Variants in BRF2 observed in about 807,000 individuals in gnomAD.
BRF2 encodes the protein BRF2 general transcription factor IIIB subunit, also known as transcription factor IIIB 50 kDa subunit.
A neutral mutation model predicts 26.6 loss-of-function variants in BRF2; 17 were observed. The observed-to-expected ratio is 0.64, with a 90% CI of 0.44 to 0.96. The LOEUF (loss-of-function observed/expected upper bound fraction) is 0.96. BRF2 is among the 40% of genes least tolerant of loss of function. The probability of loss-of-function intolerance (pLI) is 0.00; values close to 1 mark genes in which losing one functional copy is unlikely to be tolerated. For missense variants in BRF2, 515 were observed against 537.0 expected, an observed-to-expected ratio of 0.96 and a Z score of 0.40; for synonymous variants, 219 against 226.6, an observed-to-expected ratio of 0.97 and a Z score of 0.30.
intron 3 of BRF2, 152 bp from the exon 4 acceptor site, chr8:37,845,365 A>T: frequency 2.9e-6 from 2 of 683,698 alleles, no homozygotes; most frequent in South Asian, 1.8e-5. Context: ...TAGTGAGAGA[A>T]AACAGGGCGT....
In BRF2 at chr8:37,844,710, T is replaced by G. The variant is rs1172576749; in HGVS notation, c.1040A>C (p.Gln347Pro). The stretch of plus-strand genomic sequence containing the variant: ...GGCAGGACTGGCCGGCCGCTTCCCC[T>G]GGGGTAAACCTAAGGAATTATTTCC... Reference protein sequence around the residue: ...EVGNNSLGLPQGKRPASPALL... With the variant: ...EVGNNSLGLPPGKRPASPALL... Residue 347 changes from glutamine (Q) to proline (P), a missense_variant, in exon 4 of 4, where the codon CAG becomes CCG. Coordinates refer to ENST00000220659, the MANE Select transcript of BRF2 (RefSeq NM_018310.4). 1 of 1,614,004 alleles carries G rather than the reference T, an allele frequency of 6.2e-7. No individual in the cohort carries two copies. Among genetic ancestry groups the G allele is most frequent in the African/African-American group, 1.3e-5 (1 of 74,918 alleles).
In BRF2 at chr8:37,844,641, C is replaced by A. The variant is rs765024570; in HGVS notation, c.1109G>T (p.Cys370Phe). 19 of 1,614,124 alleles carry A rather than the reference C, an allele frequency of 1.2e-5. No individual in the cohort carries two copies. Among genetic ancestry groups the A allele is most frequent in the Non-Finnish European group, 1.6e-5 (19 of 1,180,030 alleles). ...PCMLKSPKRI[C>F]PVPPVSTVTG... is the part of the protein sequence containing the mutation. ...GACAGTGGAGACAGGGGGTACAGGG[C>A]AGATCCGCTTCGGGGACTTCAACAT... The change falls in exon 4 of 4, where the codon TGC becomes TTC. Residue 370 changes from cysteine to phenylalanine, a missense_variant. Physicochemically the swap from Cys to Phe is radical, Grantham distance 205. Coordinates refer to ENST00000220659, the MANE Select transcript of BRF2 (RefSeq NM_018310.4).
In BRF2 at chr8:37,844,636, C is replaced by T. The variant is rs1281734627; in HGVS notation, c.1114G>A (p.Val372Ile). 2 of 1,614,084 alleles carry T rather than the reference C, an allele frequency of 1.2e-6. No homozygotes were observed. The highest frequency in any genetic ancestry group is 1.1e-5 in the South Asian group (1 of 91,078). Reference sequence around the variant, plus strand: ...CCAGTGACAGTGGAGACAGGGGGTACAGGGCAGATCCGCTTCGGGGACTTC... The same window carrying T: ...CCAGTGACAGTGGAGACAGGGGGTATAGGGCAGATCCGCTTCGGGGACTTC... ...MLKSPKRICP[V>I]PPVSTVTGDE... The change falls in exon 4 of 4, where the codon GTA becomes ATA. Residue 372 changes from valine (V) to isoleucine (I), a missense_variant. Transcript: ENST00000220659.
At chr8:37,848,512 GC>G in intron 2 of BRF2, 83 bp downstream of exon 2, 1 of 1,288,298 alleles carries the variant, frequency 7.8e-7, no homozygotes, top group Non-Finnish European at 1.1e-6. Flanking sequence ...CTCCCAAAGT[GC>G]TGGGATTACA....
rs1329899251 is a variant in BRF2, at chr8:37,843,478, C to T, written c.*1012G>A. Reference sequence around the variant, plus strand: ...GTCATGAGGGGCCTATGCCTTTACTCCTTTTAAACACCAGCACCCGTCTTT... The same window carrying T: ...GTCATGAGGGGCCTATGCCTTTACTTCTTTTAAACACCAGCACCCGTCTTT... On this transcript the variant is annotated 3_prime_UTR_variant, in exon 4 of 4. Transcript: ENST00000220659. 1 of 152,254 alleles carries T rather than the reference C, an allele frequency of 6.6e-6. No homozygotes were observed. Among genetic ancestry groups the T allele is most frequent in the East Asian group, 1.9e-4 (1 of 5,198 alleles). 9.4% of individuals were successfully genotyped at this position (152,254 alleles called of 1,614,324 possible).
rs1396452775 is a variant in BRF2 at position 37,844,329 on chromosome 8, T to C, written c.*161A>G. On this transcript the variant is annotated 3_prime_UTR_variant, in exon 4 of 4. Coordinates refer to ENST00000220659, the MANE Select transcript of BRF2 (RefSeq NM_018310.4). ...CTATAGTCATCCCTGCACTCCTGAC[T>C]TTACTCCAGGACCCAGGGTCCAACT... 6 of 871,470 alleles carry C rather than the reference T, an allele frequency of 6.9e-6. No individual in the cohort carries two copies. The highest frequency in any genetic ancestry group is 5.1e-5 in the African/African-American group (3 of 58,926). The allele number at this position is 871,470 out of a possible 1,614,324, so 54.0% of individuals were successfully genotyped here.
rs1805906408 is a variant in BRF2 at position 37,844,310 on chromosome 8, T to A, written c.*180A>T. ...GGATGGGAATCTCTCCTACCTATAG[T>A]CATCCCTGCACTCCTGACTTTACTC... On this transcript the variant is annotated 3_prime_UTR_variant, in exon 4 of 4. Coordinates refer to ENST00000220659, the MANE Select transcript of BRF2 (RefSeq NM_018310.4). 1 of 693,916 alleles carries A rather than the reference T, an allele frequency of 1.4e-6. No individual in the cohort carries two copies. The highest frequency in any genetic ancestry group is 1.8e-5 in the African/African-American group (1 of 55,434). 43.0% of individuals were successfully genotyped at this position (693,916 alleles called of 1,614,324 possible).
rs1805924184 is a variant in BRF2 at position 37,844,888 on chromosome 8, G to A, written c.862C>T (p.Leu288Phe). The change falls in exon 4 of 4, where the codon CTT (leucine) becomes TTT (phenylalanine). Residue 288 changes from leucine (L) to phenylalanine (F), a missense_variant. Coordinates refer to ENST00000220659, the MANE Select transcript of BRF2 (RefSeq NM_018310.4). ...TGCTTCACCACAGACCGTTTGTCAA[G>A]TCTCAGAACTCGTAACCAGGCCAGC... ...EQLAWLRVLR[L>F]DKRSVVKHIG... is the part of the protein sequence containing the mutation. The A allele has an allele frequency of 6.2e-7, 1 of 1,614,094 alleles. No individual in the cohort carries two copies. Among genetic ancestry groups the A allele is most frequent in the South Asian group, 1.1e-5 (1 of 91,094 alleles).
intron 3 of BRF2, 86 bp from the exon 4 acceptor site, chr8:37,845,299 G>A (rs879875233): frequency 7.5e-6 from 8 of 1,064,606 alleles, no homozygotes; most frequent in African/African-American, 1.6e-5. Flanking sequence ...TCAAGATGGG[G>A]AAGCTATTCT....
At chr8:37,849,540 A>T in intron 1 of BRF2, 90 bp downstream of exon 1, 1 of 1,050,538 alleles carries the variant, frequency 9.5e-7, no homozygotes, top group Non-Finnish European at 1.4e-6. Flanking sequence ...TGTGTGCGTT[A>T]CAGTTAGGAG....
chr8:37,848,687 T>C (rs747783563), intron 1 of BRF2, 32 bp from the exon 2 acceptor site: 5 of 1,582,990 alleles, frequency 3.2e-6, no homozygotes, highest in Non-Finnish European at 4.3e-6. Context: ...ATAGTGTGCT[T>C]AGCCTTTATT....
chr8:37,849,837 C>T lies in BRF2; in HGVS notation c.-54G>A, dbSNP rs1050460343. The T allele has an allele frequency of 5.9e-6, 9 of 1,526,962 alleles. No individual in the cohort carries two copies. Among genetic ancestry groups the T allele is most frequent in the Non-Finnish European group, 7.9e-6 (9 of 1,136,690 alleles). The allele number at this position is 1,526,962 out of a possible 1,614,324, so 94.6% of individuals were successfully genotyped here. A position where few individuals can be genotyped will look rare whatever the true frequency, so the allele number is the denominator to read the frequency against. On this transcript the variant is annotated 5_prime_UTR_variant, in exon 1 of 4. Transcript: ENST00000220659. ...CCTTCAGAGACTCCTGGGTCTGCAA[C>T]AGCAACCGTGAGGCAGCAAGAAGTA...
chr8:37,843,627 A>C lies in BRF2; in HGVS notation c.*863T>G, dbSNP rs1805883650. On this transcript the variant is annotated 3_prime_UTR_variant, in exon 4 of 4. Coordinates refer to ENST00000220659, the MANE Select transcript of BRF2 (RefSeq NM_018310.4). ...GACCTAGGGTTCCCTCCCAGTCTTC[A>C]CATCACTCTGGCCTCATCACCAAGG... 6.6e-6 allele frequency: 1 copy of C among 152,368 alleles called. No homozygotes were observed. The highest frequency in any genetic ancestry group is 1.5e-5 in the Non-Finnish European group (1 of 68,052). 9.4% of individuals were successfully genotyped at this position (152,368 alleles called of 1,614,324 possible). A position where few individuals can be genotyped will look rare whatever the true frequency, so the allele number is the denominator to read the frequency against.
rs1805914328 is a variant in BRF2, at chr8:37,844,579, G to C, written c.1171C>G (p.Gln391Glu). Residue 391 changes from glutamine (Q) to glutamate (E), a missense_variant, in exon 4 of 4, where the codon CAG (glutamine) becomes GAG (glutamate). Gln to Glu is a conservative substitution (Grantham distance 29, BLOSUM62 2). Transcript: ENST00000220659. ...ACTTCCTGAGGGGTACGCAAATACT[G>C]TTCTATTTCACTATCAGAAATGTTC... The part of the protein sequence containing the change: ...DENISDSEIE[Q>E]YLRTPQEVRD... 1.9e-6 allele frequency: 3 copies of C among 1,613,950 alleles called. No individual in the cohort carries two copies. The highest frequency in any genetic ancestry group is 2.7e-5 in the African/African-American group (2 of 74,894).
intron 1 of BRF2, 33 bp from the exon 2 acceptor site, chr8:37,848,688 A>T (rs1806010372): frequency 4.4e-6 from 7 of 1,583,808 alleles, no homozygotes; most frequent in South Asian, 2.2e-5. Context: ...TAGTGTGCTT[A>T]GCCTTTATTC....
chr8:37,845,728 T>G lies in BRF2; in HGVS notation c.537-515A>C, dbSNP rs749512141. 108 of 698,792 alleles carry G rather than the reference T, an allele frequency of 1.5e-4. 1 individual carries two copies. The highest frequency in any genetic ancestry group is 2.6e-5 in the Non-Finnish European group (10 of 383,816). 43.3% of individuals were successfully genotyped at this position (698,792 alleles called of 1,614,324 possible). ...CAGGTGGGCAGATCGCTTGAGCCCA[T>G]GAGTTCCAGGCTGCAGTGAGCTATG... On this transcript the variant is annotated intron_variant, in intron 3 of 3. Coordinates refer to ENST00000220659, the MANE Select transcript of BRF2 (RefSeq NM_018310.4).
At chr8:37,848,513 C>G in intron 2 of BRF2, 83 bp downstream of exon 2, 1 of 1,308,444 alleles carries the variant, frequency 7.6e-7, no homozygotes, top group Non-Finnish European at 1.1e-6. Context: ...TCCCAAAGTG[C>G]TGGGATTACA....
chr8:37,848,970 T>C (rs1014451769), intron 1 of BRF2, among the ~76,000 whole-genome samples: 1 of 152,246 alleles, frequency 6.6e-6, no homozygotes, highest in Non-Finnish European at 1.5e-5. Flanking sequence ...TAGTCCAGGC[T>C]GGAGCACAGT....
At chr8:37,847,876 G>A (rs1052388500) in intron 2 of BRF2, among the ~76,000 whole-genome samples, 2 of 151,838 alleles carry the variant, frequency 1.3e-5, no homozygotes, top group African/African-American at 4.8e-5. Flanking sequence ...CACCAGCAAT[G>A]CTGAAAATAG....
Sources: gnomAD v4.1 joint callset for allele counts (sites outside exome capture counted in the v4.1 genomes callset) on GRCh38, gnomAD v4.1.1 for gene constraint, MANE v1.5 for transcripts, NCBI Gene and HGNC (gene_info 2026-07-23, HGNC 2026-07-21) for gene names.